SEMA6D: variants seen among roughly 807,000 people sequenced by gnomAD.
SEMA6D encodes semaphorin 6D.
A neutral mutation model predicts 106.6 loss-of-function variants in SEMA6D; 35 were observed. The ratio of observed to expected loss-of-function variants is 0.33; its 90% CI spans 0.25 to 0.44. SEMA6D has a LOEUF of 0.44. Ranked by LOEUF, SEMA6D falls within the 20% of genes least tolerant of loss-of-function variation. The pLI is 1.00. For synonymous variants in SEMA6D, 499 were observed against 487.7 expected, an observed-to-expected ratio of 1.02 and a Z score of -0.31; for missense variants, 1,185 against 1,345.9, an observed-to-expected ratio of 0.88 and a Z score of 1.87.
intron 1 of SEMA6D, among the ~76,000 whole-genome samples, chr15:47,258,856 A>G (rs370612180): frequency 1.3e-5 from 2 of 152,060 alleles, no homozygotes; most frequent in East Asian, 3.9e-4. Flanking sequence ...TATTTTTGAC[A>G]ACATTTTATT....
At chr15:47,484,352 C>G (rs1232637931) in intron 3 of SEMA6D, among the ~76,000 whole-genome samples, 1 of 152,102 alleles carries the variant, frequency 6.6e-6, no homozygotes, top group South Asian at 2.1e-4. Flanking sequence ...CCCTGCCTCA[C>G]CAACAGCCAT....
intron 1 of SEMA6D, among the ~76,000 whole-genome samples, chr15:47,306,310 C>T (rs532370563): frequency 2.7e-4 from 41 of 152,178 alleles, no homozygotes; most frequent in African/African-American, 9.4e-4. Flanking sequence ...CTAGCTGGCT[C>T]TGGTATTAAG....
At chr15:47,185,057 C>T (rs2140871289) in intron 1 of SEMA6D, among the ~76,000 whole-genome samples, 1 of 152,136 alleles carries the variant, frequency 6.6e-6, no homozygotes, top group Non-Finnish European at 1.5e-5. Flanking sequence ...CGCTAGCGGG[C>T]TTGCGCGCGG....
chr15:47,341,847 G>C (rs988646411), intron 1 of SEMA6D, among the ~76,000 whole-genome samples: 1 of 151,978 alleles, frequency 6.6e-6, no homozygotes, highest in Non-Finnish European at 1.5e-5. Flanking sequence ...TTCCCCAATA[G>C]TGAGCTCATT....
chr15:47,310,273 A>G (rs2036397917), intron 1 of SEMA6D, among the ~76,000 whole-genome samples: 1 of 152,204 alleles, frequency 6.6e-6, no homozygotes, highest in South Asian at 2.1e-4. Context: ...ATGCCCCATC[A>G]TATAATGAAC....
At chr15:47,699,439 G>A (rs997559572) in intron 4 of SEMA6D, among the ~76,000 whole-genome samples, 1 of 152,210 alleles carries the variant, frequency 6.6e-6, no homozygotes, top group Non-Finnish European at 1.5e-5. Context: ...GTTAAGGAGT[G>A]AAGTTTGGCT....
At chr15:47,519,109 A>G (rs1391886456) in intron 3 of SEMA6D, among the ~76,000 whole-genome samples, 1 of 152,096 alleles carries the variant, frequency 6.6e-6, no homozygotes, top group Non-Finnish European at 1.5e-5. Flanking sequence ...ATACAAAACA[A>G]TAAATAAATA....
At chr15:47,744,839 TTGAG>T (rs1470538464) in intron 1 of SEMA6D, among the ~76,000 whole-genome samples, 1 of 152,178 alleles carries the variant, frequency 6.6e-6, no homozygotes, top group Non-Finnish European at 1.5e-5. Context: ...GAATTTTACT[TTGAG>T]TGAAGAACCT....
At chr15:47,375,726 A>T (rs1352327662) in intron 1 of SEMA6D, among the ~76,000 whole-genome samples, 1 of 152,236 alleles carries the variant, frequency 6.6e-6, no homozygotes, top group Non-Finnish European at 1.5e-5. Context: ...GTTAAAAATT[A>T]AATTAATATG....
intron 2 of SEMA6D, among the ~76,000 whole-genome samples, chr15:47,462,351 A>G (rs1213393651): frequency 1.3e-5 from 2 of 152,156 alleles, no homozygotes; most frequent in African/African-American, 2.4e-5. Flanking sequence ...AGTGCCTTAC[A>G]TAGCAGGCAA....
In SEMA6D at chr15:47,658,093, A is replaced by G. The variant is rs185746353; in HGVS notation, c.-55+57197A>G. ...TGTGATATTTGTAATGTCTTATTAT[A>G]AGAATGATAGTGGCAGTTGGTTTGA... is the stretch of plus-strand genomic sequence containing the variant. On this transcript the variant is annotated intron_variant, in intron 4 of 19. Transcript: ENST00000558014. Among the ~76,000 whole-genome samples the G allele has an allele frequency of 1.1e-4, 17 of 152,284 alleles. No individual in the cohort carries two copies. The East Asian group carries it at 3.1e-3, about 28-fold the overall frequency.
intron 1 of SEMA6D, among the ~76,000 whole-genome samples, chr15:47,745,751 TTTA>T (rs1419075534): frequency 6.6e-6 from 1 of 152,228 alleles, no homozygotes; most frequent in Non-Finnish European, 1.5e-5. Context: ...ACCTGGGCTG[TTTA>T]TTATTCTCAT....
At chr15:47,443,133 GA>G (rs534912831) in intron 2 of SEMA6D, among the ~76,000 whole-genome samples, 28 of 152,226 alleles carry the variant, frequency 1.8e-4, no homozygotes, top group African/African-American at 6.7e-4. Flanking sequence ...TGTAATGATA[GA>G]TATGTCACCT....
intron 1 of SEMA6D, chr15:47,731,074 A>G: frequency 1.8e-6 from 1 of 549,358 alleles, no homozygotes; most frequent in Non-Finnish European, 3.2e-6. Context: ...ACAGACACAC[A>G]GATAGTCCAA....
At chr15:47,322,550 G>A (rs979710919) in intron 1 of SEMA6D, among the ~76,000 whole-genome samples, 28 of 152,072 alleles carry the variant, frequency 1.8e-4, no homozygotes, top group African/African-American at 3.1e-4. Flanking sequence ...TCTTCTCAGC[G>A]AATCATATCG....
intron 4 of SEMA6D, among the ~76,000 whole-genome samples, chr15:47,687,592 A>G (rs540576529): frequency 1.3e-5 from 2 of 152,302 alleles, no homozygotes; most frequent in East Asian, 3.9e-4. Context: ...TATAAAAGCA[A>G]CGGAAGCCCA....
intron 1 of SEMA6D, among the ~76,000 whole-genome samples, chr15:47,404,844 T>G (rs541154976): frequency 1.2e-4 from 19 of 152,270 alleles, no homozygotes; most frequent in African/African-American, 4.1e-4. Flanking sequence ...GATAAAAAGG[T>G]ACATTTGCAA....
chr15:47,436,351 T>C (rs1031138940), intron 2 of SEMA6D, among the ~76,000 whole-genome samples: 2 of 151,160 alleles, frequency 1.3e-5, no homozygotes, highest in African/African-American at 4.9e-5. Flanking sequence ...GATTATGCCA[T>C]TGCACCCCAG....
At chr15:47,460,290 A>G (rs1224649150) in intron 2 of SEMA6D, among the ~76,000 whole-genome samples, 2 of 152,062 alleles carry the variant, frequency 1.3e-5, no homozygotes, top group African/African-American at 4.8e-5. Flanking sequence ...TTTTTGTCTC[A>G]AGTCTTCTTT....
Sources: allele counts gnomAD v4.1 joint callset (sites outside exome capture counted in the v4.1 genomes callset), GRCh38; gene constraint gnomAD v4.1.1; transcripts MANE v1.5; gene names NCBI Gene and HGNC (gene_info 2026-07-23, HGNC 2026-07-21).